Variants in FGFR1 observed in about 807,000 individuals in gnomAD.
FGFR1 encodes FGFR1/PLAG1 fusion.
A neutral mutation model predicts 93.7 loss-of-function variants in FGFR1; 18 were observed. The observed-to-expected ratio is 0.19, with a 90% CI of 0.13 to 0.28. The LOEUF (loss-of-function observed/expected upper bound fraction) is 0.28, where lower values mean the gene tolerates loss of function less well. Among genes scored for constraint, FGFR1 ranks in the 10% least tolerant of loss-of-function variants. FGFR1 has a pLI of 1.00. For missense variants in FGFR1, 731 were observed against 1,080.4 expected (o/e 0.68, Z 4.53); for synonymous variants, 448 against 429.3 (o/e 1.04, Z -0.54).
At chr8:38,423,662 TAAAAA>T in intron 7 of FGFR1, 2 of 114,816 alleles carry the variant, frequency 1.7e-5, no homozygotes, top group Non-Finnish European at 3.7e-5. Context: ...AGCATTTGAT[TAAAAA>T]AAAAAAAAAA....
At chr8:38,428,679 G>A (rs560297892) in intron 3 of FGFR1, 1 of 546,186 alleles carries the variant, frequency 1.8e-6, no homozygotes, top group South Asian at 2.0e-5. Flanking sequence ...TTCCATCAGG[G>A]TCAGCTGTTC....
intron 2 of FGFR1, among the ~76,000 whole-genome samples, chr8:38,438,225 T>C (rs16887378): frequency 0.19 from 28,322 of 152,124 alleles, 3,305 homozygotes; most frequent in East Asian, 0.35. Flanking sequence ...CTTAGAATCT[T>C]GTGAAGTATT....
In FGFR1 at chr8:38,416,011, C is replaced by T. The variant is rs1816417552; in HGVS notation, c.1713G>A (p.Glu571=). 6.2e-7 allele frequency: 1 copy of T among 1,613,872 alleles called. No individual in the cohort carries two copies. Among genetic ancestry groups the T allele is most frequent in the Non-Finnish European group, 8.5e-7 (1 of 1,180,014 alleles). The change falls in exon 13 of 18, where the codon GAG becomes GAA. Residue 571 remains glutamate, a synonymous_variant. Transcript: ENST00000447712. ...VEYASKGNLR[E]YLQARRPPGL... ...CTGGGGGCCTCCGGGCCTGCAGGTA[C>T]TCCCGCAGGTTGCCCTTGGAGGCAT...
In FGFR1 at chr8:38,414,942, G is replaced by C. The variant is rs765717436; in HGVS notation, c.1855-41C>G. On this transcript the variant is annotated intron_variant, in intron 13 of 17. Transcript: ENST00000447712. ...GGGAGAGCGGGAGGCGGGGAGGTGA[G>C]GGAGCTGGAAGGCTCTGGGCGGCCG... 3.8e-6 allele frequency: 6 copies of C among 1,586,676 alleles called. No homozygotes were observed. In the South Asian group the frequency reaches 4.4e-5, roughly 12 times the overall value.
intron 2 of FGFR1, among the ~76,000 whole-genome samples, chr8:38,432,844 A>C (rs971887044): frequency 2.0e-5 from 3 of 151,208 alleles, no homozygotes; most frequent in Non-Finnish European, 2.9e-5. Flanking sequence ...GACTCCCTGC[A>C]ATTGGCTTCC....
intron 2 of FGFR1, among the ~76,000 whole-genome samples, chr8:38,443,537 G>C (rs1828269183): frequency 6.6e-6 from 1 of 151,518 alleles, no homozygotes; most frequent in Non-Finnish European, 1.5e-5. Flanking sequence ...GCCAGGCATG[G>C]TAGCGTGCAC....
intron 8 of FGFR1, chr8:38,420,474 A>C (rs988083284): frequency 6.6e-6 from 1 of 152,158 alleles, no homozygotes; most frequent in Admixed American, 6.5e-5. Flanking sequence ...AACTCCTAAA[A>C]CTTAAGGAAA....
At chr8:38,432,328 G>C (rs1395834458) in intron 2 of FGFR1, among the ~76,000 whole-genome samples, 5 of 151,952 alleles carry the variant, frequency 3.3e-5, no homozygotes, top group Admixed American at 6.6e-5. Flanking sequence ...TCCTCCTGAT[G>C]CAAGTTTAGA....
At chr8:38,445,507 C>A (rs568077466) in intron 2 of FGFR1, among the ~76,000 whole-genome samples, 11 of 152,230 alleles carry the variant, frequency 7.2e-5, no homozygotes, top group Admixed American at 5.2e-4. Context: ...CTTTCAAGTG[C>A]ATGTCAGGCA....
intron 9 of FGFR1, 114 bp from the exon 10 acceptor site, chr8:38,418,487 G>C (rs1817570200): frequency 7.8e-7 from 1 of 1,287,226 alleles, no homozygotes; most frequent in Non-Finnish European, 1.1e-6. Flanking sequence ...TGTATCTGAT[G>C]TTCTTTCCTC....
At chr8:38,427,415 A>G (rs868626834) in intron 5 of FGFR1, among the ~76,000 whole-genome samples, 1 of 152,130 alleles carries the variant, frequency 6.6e-6, no homozygotes, top group African/African-American at 2.4e-5. Context: ...AGTAGCTGGG[A>G]TTACAGGAGC....
At chr8:38,461,260 G>T (rs1834342495) in intron 1 of FGFR1, 1 of 771,332 alleles carries the variant, frequency 1.3e-6, no homozygotes, top group Non-Finnish European at 2.0e-6. Flanking sequence ...CCACTTCTAA[G>T]AGAAAAACCT....
intron 12 of FGFR1, among the ~76,000 whole-genome samples, chr8:38,416,448 A>ATT (rs57944426): frequency 0.013 from 1,061 of 80,916 alleles, 109 homozygotes; most frequent in African/African-American, 0.022. Context: ...TGCCTGGCTA[A>ATT]TTTTTTTTTT....
At chr8:38,415,840 AT>A (rs1231572786) in intron 13 of FGFR1, 29 bp downstream of exon 13, 1 of 1,604,520 alleles carries the variant, frequency 6.2e-7, no homozygotes, top group Non-Finnish European at 8.5e-7. Flanking sequence ...CCACCCTGGC[AT>A]TACCCAGGGG....
In FGFR1 at chr8:38,419,562, T is replaced by A; in HGVS notation, c.1255A>T (p.Lys419Ter). ...HSQMAVHKLAKSIPLRRQVTV... is the reference protein window; with the variant it reads ...HSQMAVHKLA ...ACCTGTCTGCGCAGAGGGATGCTCT[T>A]GGCCAGCTTGTGCACAGCCATCTGG... Residue 419 changes from lysine (K) to a stop codon, truncating the protein, a stop_gained, in exon 9 of 18, where the codon AAG (lysine) becomes TAG (stop). Coordinates refer to ENST00000447712, the MANE Select transcript of FGFR1 (RefSeq NM_023110.3). LOFTEE classifies it high-confidence loss of function. 6.2e-7 allele frequency: 1 copy of A among 1,614,180 alleles called. No homozygotes were observed. The highest frequency in any genetic ancestry group is 8.5e-7 in the Non-Finnish European group (1 of 1,180,042).
chr8:38,452,934 G>A (rs1167868075), intron 2 of FGFR1, among the ~76,000 whole-genome samples: 1 of 152,136 alleles, frequency 6.6e-6, no homozygotes, highest in African/African-American at 2.4e-5. Context: ...CCAAGATCAC[G>A]CCACTGCACT....
In FGFR1 at chr8:38,424,380, T is replaced by C; in HGVS notation, c.936+129A>G. ...TGGCTAGATCCCTACTGAGATGGAG[T>C]GTGTGTGCCTGAAGCGTGAGGAATG... On this transcript the variant is annotated intron_variant, in intron 7 of 17. Coordinates refer to ENST00000447712, the MANE Select transcript of FGFR1 (RefSeq NM_023110.3). This position sits in a 1 kb window ranked among gnomAD's most constrained non-coding sequence, Gnocchi z 4.3. The C allele has an allele frequency of 1.1e-6, 1 of 939,408 alleles. No individual in the cohort carries two copies. The highest frequency in any genetic ancestry group is 2.5e-5 in the East Asian group (1 of 39,612). 58.2% of individuals were successfully genotyped at this position (939,408 alleles called of 1,614,324 possible).
At chr8:38,427,691 C>CA (rs1249309532) in intron 5 of FGFR1, among the ~76,000 whole-genome samples, 1 of 152,084 alleles carries the variant, frequency 6.6e-6, no homozygotes, top group Non-Finnish European at 1.5e-5. Context: ...AATGACAAGG[C>CA]AAGGAAATTA....
intron 2 of FGFR1, chr8:38,435,768 C>T (rs1023673676): frequency 1.3e-5 from 2 of 152,310 alleles, no homozygotes; most frequent in Non-Finnish European, 1.5e-5. Flanking sequence ...AGAAAAGCTA[C>T]CTGACACTTT....
Sources: gnomAD v4.1 joint callset for allele counts (sites outside exome capture counted in the v4.1 genomes callset) on GRCh38, gnomAD v4.1.1 for gene constraint, Gnocchi (gnomAD v3.1) non-coding constraint, MANE v1.5 for transcripts, NCBI Gene and HGNC (gene_info 2026-07-23, HGNC 2026-07-21) for gene names.